UNC5D: variants seen among roughly 807,000 people sequenced by gnomAD.
The protein encoded by UNC5D is netrin receptor UNC5D.
UNC5D carries 39 observed loss-of-function variants against 105.4 expected under a neutral mutation model. The observed-to-expected ratio is 0.37, with a 90% CI of 0.29 to 0.48. The LOEUF (loss-of-function observed/expected upper bound fraction) is 0.48, where lower values mean the gene tolerates loss of function less well. Ranked by LOEUF, UNC5D falls within the 20% of genes least tolerant of loss-of-function variation. The probability of loss-of-function intolerance (pLI) is 0.98; values close to 1 mark genes in which losing one functional copy is unlikely to be tolerated. For synonymous variants in UNC5D, 452 were observed against 450.4 expected, an observed-to-expected ratio of 1.00 and a Z score of -0.04; for missense variants, 991 against 1,202.4, an observed-to-expected ratio of 0.82 and a Z score of 2.60.
At chr8:35,713,776 T>C (rs1317346837) in intron 8 of UNC5D, among the ~76,000 whole-genome samples, 1 of 151,582 alleles carries the variant, frequency 6.6e-6, no homozygotes, top group Non-Finnish European at 1.5e-5. Context: ...TCAGTGAGGG[T>C]GAAAAGTTGG....
intron 16 of UNC5D, among the ~76,000 whole-genome samples, chr8:35,790,036 C>G (rs909428742): frequency 1.3e-5 from 2 of 152,068 alleles, no homozygotes; most frequent in Non-Finnish European, 2.9e-5. Context: ...ATCACTTAAG[C>G]CCAGGAGGTC....
At chr8:35,465,473 A>G (rs1809234215) in intron 1 of UNC5D, among the ~76,000 whole-genome samples, 1 of 151,066 alleles carries the variant, frequency 6.6e-6, no homozygotes, top group African/African-American at 2.5e-5. Flanking sequence ...ATGCCCCTGC[A>G]CTCCAGCCTG....
intron 4 of UNC5D, among the ~76,000 whole-genome samples, chr8:35,616,819 A>C (rs997696563): frequency 3.3e-5 from 5 of 152,228 alleles, no homozygotes; most frequent in Non-Finnish European, 4.4e-5. Context: ...GAAAGATCCG[A>C]AGGCCAGCAG....
chr8:35,578,096 C>G (rs1818210567), intron 3 of UNC5D, among the ~76,000 whole-genome samples: 1 of 151,256 alleles, frequency 6.6e-6, no homozygotes, highest in Admixed American at 6.6e-5. Context: ...GTGGTGGTGC[C>G]TGCCTGTAAT....
chr8:35,498,079 C>CAAAAAAAAAAAAAAAAA (rs141361517), intron 1 of UNC5D, among the ~76,000 whole-genome samples: 6 of 59,420 alleles, frequency 1.0e-4, no homozygotes, highest in African/African-American at 1.7e-4. Context: ...CAAAACAAAA[C>CAAAAAAAAAAAAAAAAA]AAAACAAAAA....
At chr8:35,537,126 C>T (rs1482785636) in intron 1 of UNC5D, among the ~76,000 whole-genome samples, 3 of 152,036 alleles carry the variant, frequency 2.0e-5, no homozygotes, top group Non-Finnish European at 4.4e-5. Flanking sequence ...GCCACATTCT[C>T]CTTAAAACTG....
At chr8:35,564,080 C>CT (rs1484120376) in intron 2 of UNC5D, among the ~76,000 whole-genome samples, 1 of 151,866 alleles carries the variant, frequency 6.6e-6, no homozygotes, top group Non-Finnish European at 1.5e-5. Context: ...ATTATTGTGT[C>CT]TTTGTCTGAT....
At position 35,431,978 on chromosome 8, in the gene UNC5D, A is replaced by C. The variant is rs543579712; in HGVS notation, c.104-117314A>C. Among the ~76,000 whole-genome samples, 15 of 152,300 alleles carry C rather than the reference A, an allele frequency of 9.8e-5. No individual in the cohort carries two copies. In the South Asian group the frequency reaches 2.9e-3, roughly 29 times the overall value. On this transcript the variant is annotated intron_variant, in intron 1 of 16. Coordinates refer to ENST00000404895, the MANE Select transcript of UNC5D (RefSeq NM_080872.4). ...AGTTAACTTTAAATTCAGTATTAAAATTAATTTTATGACATAATCCTTAAA... is the reference window on the plus strand; with the variant it reads ...AGTTAACTTTAAATTCAGTATTAAACTTAATTTTATGACATAATCCTTAAA...
intron 8 of UNC5D, among the ~76,000 whole-genome samples, chr8:35,711,580 T>C (rs940649650): frequency 2.0e-5 from 3 of 152,202 alleles, no homozygotes; most frequent in African/African-American, 4.8e-5. Flanking sequence ...GAATGCCTGG[T>C]GCTCATGTTG....
In UNC5D at chr8:35,664,253, A is replaced by C. The variant is rs79735167; in HGVS notation, c.571-19294A>C. Among the ~76,000 whole-genome samples the C allele has an allele frequency of 7.2e-3, 1,098 of 152,314 alleles. 22 individuals are homozygous for C. The highest frequency in any genetic ancestry group is 0.024 in the African/African-American group (1,010 of 41,574). On this transcript the variant is annotated intron_variant, in intron 4 of 16. Coordinates refer to ENST00000404895, the MANE Select transcript of UNC5D (RefSeq NM_080872.4). ...CTATTTTCATTGATGATGATTCTAC[A>C]GATCCTGGGGTAAAATGGGCTTTAT...
chr8:35,525,416 G>T, intron 1 of UNC5D: 1 of 1,612,186 alleles, frequency 6.2e-7, no homozygotes, highest in Non-Finnish European at 8.5e-7. Context: ...TGGTCTGGAA[G>T]AGCTGCTGGC....
At chr8:35,536,975 G>A (rs533353466) in intron 1 of UNC5D, among the ~76,000 whole-genome samples, 55 of 151,778 alleles carry the variant, frequency 3.6e-4, no homozygotes, top group Non-Finnish European at 6.2e-4. Context: ...CAGTCTGGGT[G>A]ACAGAGCGAG....
intron 1 of UNC5D, among the ~76,000 whole-genome samples, chr8:35,437,139 C>G (rs188318403): frequency 8.9e-4 from 135 of 152,024 alleles, no homozygotes; most frequent in African/African-American, 3.1e-3. Context: ...GTGCCTGGCT[C>G]ATACTTCGTT....
At chr8:35,599,848 A>T (rs771976663) in intron 4 of UNC5D, among the ~76,000 whole-genome samples, 8 of 152,264 alleles carry the variant, frequency 5.3e-5, no homozygotes, top group Non-Finnish European at 7.4e-5. Context: ...CATGTGCACA[A>T]CGTGCAGGTT....
At chr8:35,626,051 G>A (rs937355531) in intron 4 of UNC5D, among the ~76,000 whole-genome samples, 4 of 152,080 alleles carry the variant, frequency 2.6e-5, no homozygotes, top group Non-Finnish European at 5.9e-5. Context: ...TAGAACCCTT[G>A]GGGTCTTTTT....
chr8:35,449,120 T>A (rs1049297559), intron 1 of UNC5D, among the ~76,000 whole-genome samples: 3 of 152,206 alleles, frequency 2.0e-5, no homozygotes, highest in Non-Finnish European at 4.4e-5. Flanking sequence ...TGATGACATA[T>A]CTTTGATATC....
At chr8:35,752,302 CT>C (rs1830321268) in intron 13 of UNC5D, among the ~76,000 whole-genome samples, 1 of 152,150 alleles carries the variant, frequency 6.6e-6, no homozygotes, top group African/African-American at 2.4e-5. Flanking sequence ...CAGATCCCTG[CT>C]ATTCCAGTTT....
chr8:35,542,945 T>C (rs1232203574), intron 1 of UNC5D, among the ~76,000 whole-genome samples: 1 of 152,212 alleles, frequency 6.6e-6, no homozygotes, highest in Non-Finnish European at 1.5e-5. Flanking sequence ...CCACATGATA[T>C]GTATGTAACA....
At chr8:35,565,650 C>T (rs1306966274) in intron 2 of UNC5D, among the ~76,000 whole-genome samples, 1 of 152,062 alleles carries the variant, frequency 6.6e-6, no homozygotes, top group Non-Finnish European at 1.5e-5. Flanking sequence ...TTGCCTAGGC[C>T]AATGTCTACA....
Sources: allele counts gnomAD v4.1 joint callset (sites outside exome capture counted in the v4.1 genomes callset), GRCh38; gene constraint gnomAD v4.1.1; transcripts MANE v1.5; gene names NCBI Gene and HGNC (gene_info 2026-07-23, HGNC 2026-07-21).